BBS9: variants seen among roughly 807,000 people sequenced by gnomAD.
The protein encoded by BBS9 is Bardet-Biedl syndrome 9.
A neutral mutation model predicts 117.7 loss-of-function variants in BBS9; 89 were observed. That is an observed-to-expected ratio of 0.76 (90% CI 0.64 to 0.90). The LOEUF is 0.90. BBS9 is among the 40% of genes least tolerant of loss of function. The pLI, the probability that BBS9 is intolerant of heterozygous loss-of-function variation, is 0.00. For missense variants in BBS9, 982 were observed against 1,042.2 expected, an observed-to-expected ratio of 0.94 and a Z score of 0.80; for synonymous variants, 379 against 370.9, an observed-to-expected ratio of 1.02 and a Z score of -0.25.
intron 5 of BBS9, among the ~76,000 whole-genome samples, chr7:33,184,527 A>C (rs375535883): frequency 3.9e-5 from 6 of 152,290 alleles, no homozygotes; most frequent in African/African-American, 4.8e-5. Flanking sequence ...CTCGAACCCA[A>C]ATTTGTCGAG....
chr7:33,564,379 A>G (rs1856549292), intron 21 of BBS9, among the ~76,000 whole-genome samples: 1 of 152,152 alleles, frequency 6.6e-6, no homozygotes, highest in South Asian at 2.1e-4. Context: ...AGACAGGCTG[A>G]CCTGGATTTG....
chr7:33,373,971 C>T (rs1015578610), intron 17 of BBS9, among the ~76,000 whole-genome samples: 1 of 152,168 alleles, frequency 6.6e-6, no homozygotes, highest in Non-Finnish European at 1.5e-5. Flanking sequence ...TATTTTACTT[C>T]ATCTTGGTAG....
intron 12 of BBS9, among the ~76,000 whole-genome samples, chr7:33,348,395 A>T (rs1482001521): frequency 6.6e-6 from 1 of 152,168 alleles, no homozygotes; most frequent in African/African-American, 2.4e-5. Flanking sequence ...CATTAATGTT[A>T]TTCATAATGT....
At chr7:33,306,401 GTC>G (rs778316560) in intron 9 of BBS9, among the ~76,000 whole-genome samples, 4 of 152,012 alleles carry the variant, frequency 2.6e-5, no homozygotes, top group Non-Finnish European at 5.9e-5. Context: ...TTTATGTGAA[GTC>G]TCTCATAGTC....
chr7:33,245,381 T>C (rs1455897631), intron 5 of BBS9, among the ~76,000 whole-genome samples: 3 of 152,182 alleles, frequency 2.0e-5, no homozygotes, highest in African/African-American at 7.2e-5. Context: ...GTACTTAGTC[T>C]TTTGACTTAG....
At chr7:33,629,136 C>A (rs1201454092) in intron 21 of BBS9, among the ~76,000 whole-genome samples, 2 of 152,134 alleles carry the variant, frequency 1.3e-5, no homozygotes, top group African/African-American at 2.4e-5. Flanking sequence ...TTGAATAGAG[C>A]CTGTACACAA....
At chr7:33,572,546 T>C (rs1397739866) in intron 21 of BBS9, among the ~76,000 whole-genome samples, 4 of 152,110 alleles carry the variant, frequency 2.6e-5, no homozygotes, top group Admixed American at 1.3e-4. Flanking sequence ...TGTATTAATT[T>C]ACATTCCCAC....
chr7:33,542,669 T>G lies in BBS9; in HGVS notation c.2521+8493T>G, dbSNP rs542345309. 1.8e-3 allele frequency among the ~76,000 whole-genome samples: 270 copies of G among 152,072 alleles called. 1 individual carries two copies. The highest frequency in any genetic ancestry group is 6.3e-3 in the African/African-American group (260 of 41,496). On this transcript the variant is annotated intron_variant, in intron 21 of 22. Transcript: ENST00000242067. ...TGCAAATGCTGTTAATTCACTCCTT[T>G]TTATGCCTGCGTAGTATTCCATTAT...
intron 19 of BBS9, among the ~76,000 whole-genome samples, chr7:33,438,158 A>G (rs1244968536): frequency 6.6e-6 from 1 of 152,198 alleles, no homozygotes; most frequent in African/African-American, 2.4e-5. Context: ...ATGCAATTGG[A>G]TCCTTACCTC....
At chr7:33,585,468 A>G (rs1860729258) in intron 21 of BBS9, among the ~76,000 whole-genome samples, 1 of 152,064 alleles carries the variant, frequency 6.6e-6, no homozygotes, top group Non-Finnish European at 1.5e-5. Flanking sequence ...TGGAATCAGC[A>G]TATAACAGAT....
intron 6 of BBS9, 99 bp downstream of exon 6, chr7:33,257,509 A>G (rs1025341857): frequency 1.5e-5 from 16 of 1,060,960 alleles, no homozygotes; most frequent in Non-Finnish European, 2.0e-5. Flanking sequence ...CAAATGAAAA[A>G]GAGATCGGTT....
chr7:33,286,948 A>T (rs1803018019), intron 9 of BBS9, among the ~76,000 whole-genome samples: 1 of 151,962 alleles, frequency 6.6e-6, no homozygotes, highest in African/African-American at 2.4e-5. Context: ...GGAAAAAGTG[A>T]TTTTTTTTGA....
At chr7:33,442,727 A>G (rs1836397139) in intron 19 of BBS9, among the ~76,000 whole-genome samples, 1 of 152,158 alleles carries the variant, frequency 6.6e-6, no homozygotes, top group Non-Finnish European at 1.5e-5. Context: ...TTGTTCCTCA[A>G]AGAAGGTGTA....
Position 33,150,227 on chromosome 7 carries a change from A to G in BBS9, c.113-2474A>G, listed in dbSNP as rs192227009. Among the ~76,000 whole-genome samples, 286 of 152,332 alleles carry G rather than the reference A, an allele frequency of 1.9e-3. 1 individual carries two copies. The highest frequency in any genetic ancestry group is 6.2e-3 in the African/African-American group (256 of 41,570). ...GAGAAATGTTTCTGCAGAGTACCAA[A>G]GACCCTGAGTTTTATTCTTTACCCT... On this transcript the variant is annotated intron_variant, in intron 2 of 22. Transcript: ENST00000242067.
chr7:33,415,554 T>C (rs1195804592), intron 19 of BBS9, among the ~76,000 whole-genome samples: 2 of 152,190 alleles, frequency 1.3e-5, no homozygotes, highest in Non-Finnish European at 2.9e-5. Context: ...ATTTCATCTA[T>C]AAAACTGGCA....
At chr7:33,569,365 A>T (rs1857399082) in intron 21 of BBS9, among the ~76,000 whole-genome samples, 1 of 151,724 alleles carries the variant, frequency 6.6e-6, no homozygotes, top group Non-Finnish European at 1.5e-5. Flanking sequence ...ACTCAATCAG[A>T]GGTTGTAGTA....
At chr7:33,422,968 A>G (rs543217388) in intron 19 of BBS9, among the ~76,000 whole-genome samples, 11 of 152,252 alleles carry the variant, frequency 7.2e-5, no homozygotes, top group African/African-American at 2.6e-4. Context: ...ATGTCCCTGA[A>G]GGAATACTGG....
chr7:33,297,648 C>G (rs907826506), intron 9 of BBS9, among the ~76,000 whole-genome samples: 1 of 152,066 alleles, frequency 6.6e-6, no homozygotes, highest in Non-Finnish European at 1.5e-5. Flanking sequence ...AAAGATGTAT[C>G]TCACAATATT....
chr7:33,368,433 C>T (rs1584518821), intron 17 of BBS9, among the ~76,000 whole-genome samples: 1 of 152,028 alleles, frequency 6.6e-6, no homozygotes, highest in East Asian at 1.9e-4. Context: ...GAATAATAGT[C>T]GAAACTAGTC....
Sources: gnomAD v4.1 joint callset for allele counts (sites outside exome capture counted in the v4.1 genomes callset) on GRCh38, gnomAD v4.1.1 for gene constraint, MANE v1.5 for transcripts, NCBI Gene and HGNC (gene_info 2026-07-23, HGNC 2026-07-21) for gene names.